The following PKHD1 variants were observed in gnomAD, a reference collection of about 807,000 sequenced individuals.
PKHD1 encodes the protein PKHD1 ciliary IPT domain containing fibrocystin/polyductin, also known as fibrocystin.
A neutral mutation model predicts 412.0 loss-of-function variants in PKHD1; 291 were observed. The ratio of observed to expected loss-of-function variants is 0.71; its 90% CI spans 0.64 to 0.78. The LOEUF (loss-of-function observed/expected upper bound fraction) is 0.78. PKHD1 is among the 30% of genes least tolerant of loss of function. The pLI, the probability that PKHD1 is intolerant of heterozygous loss-of-function variation, is 0.00. For synonymous variants in PKHD1, 1,777 were observed against 1,821.5 expected (o/e 0.98, Z 0.62); for missense variants, 4,825 against 4,950.7 (o/e 0.97, Z 0.76).
intron 57 of PKHD1, among the ~76,000 whole-genome samples, chr6:51,749,781 A>G (rs1022198662): frequency 2.6e-5 from 4 of 152,168 alleles, no homozygotes; most frequent in African/African-American, 9.7e-5. Flanking sequence ...GAAAGACAGA[A>G]AGACTTTGTG....
At position 51,989,563 on chromosome 6, in the gene PKHD1, T is replaced by G. The variant is rs572323630; in HGVS notation, c.5751+20746A>C. The stretch of plus-strand genomic sequence containing the variant: ...ACCTGCACAATTCACCACAAATAAA[T>G]TAATAATGGCATATTATGAAGATAT... On this transcript the variant is annotated intron_variant, in intron 35 of 66. Coordinates refer to ENST00000371117, the MANE Select transcript of PKHD1 (RefSeq NM_138694.4). 8.5e-5 allele frequency among the ~76,000 whole-genome samples: 13 copies of G among 152,262 alleles called. No individual in the cohort carries two copies. In the East Asian group the frequency reaches 2.5e-3, roughly 29 times the overall value.
At chr6:51,923,847 A>G (rs1416351031) in intron 37 of PKHD1, among the ~76,000 whole-genome samples, 4 of 152,200 alleles carry the variant, frequency 2.6e-5, no homozygotes, top group Non-Finnish European at 5.9e-5. Context: ...TTTCTGCCAC[A>G]AGTAAATACC....
chr6:51,832,435 G>A (rs1259304214), intron 51 of PKHD1, among the ~76,000 whole-genome samples: 1 of 152,082 alleles, frequency 6.6e-6, no homozygotes, highest in Admixed American at 6.6e-5. Context: ...GAACCACAGA[G>A]CTAGAAGAGA....
chr6:51,708,243 T>C (rs1271269255), intron 60 of PKHD1, among the ~76,000 whole-genome samples: 6 of 152,142 alleles, frequency 3.9e-5, no homozygotes, highest in African/African-American at 1.4e-4. Context: ...CTTTTCCTCA[T>C]CTCTTACCTC....
chr6:52,062,577 T>A lies in PKHD1; in HGVS notation c.1060A>T (p.Ile354Phe). The A allele has an allele frequency of 6.2e-7, 1 of 1,614,130 alleles. No homozygotes were observed. The highest frequency in any genetic ancestry group is 8.5e-7 in the Non-Finnish European group (1 of 1,179,932). The change falls in exon 14 of 67, where the codon ATT becomes TTT. Residue 354 changes from isoleucine (I) to phenylalanine (F), a missense_variant. By Grantham distance (21) the Ile-to-Phe change is conservative. Transcript: ENST00000371117. Reference protein sequence around the residue: ...TEATPGYRWQIVPNASSPFGF... With the variant: ...TEATPGYRWQFVPNASSPFGF... ...AATGGAGAACTGGCATTAGGGACAA[T>A]CTGCCACCTGTACCCTGGGGTGGCT...
intron 60 of PKHD1, among the ~76,000 whole-genome samples, chr6:51,690,564 G>A (rs1343223338): frequency 1.3e-5 from 2 of 152,230 alleles, no homozygotes; most frequent in East Asian, 1.9e-4. Context: ...AAACAATGCA[G>A]AAGGGATTCC....
chr6:51,884,243 A>G (rs775247123), intron 45 of PKHD1, among the ~76,000 whole-genome samples: 1 of 152,190 alleles, frequency 6.6e-6, no homozygotes, highest in African/African-American at 2.4e-5. Context: ...GTGTGTGACC[A>G]TCTAGTTATA....
chr6:51,653,917 C>T (rs1427395858), intron 61 of PKHD1, among the ~76,000 whole-genome samples: 2 of 152,058 alleles, frequency 1.3e-5, no homozygotes, highest in Non-Finnish European at 2.9e-5. Context: ...AATGAAAACT[C>T]TGCATTTTTA....
intron 59 of PKHD1, 25 bp downstream of exon 59, chr6:51,746,696 T>C (rs368685928): frequency 5.6e-6 from 8 of 1,441,210 alleles, no homozygotes; most frequent in Non-Finnish European, 7.8e-6. Context: ...TAAATATGGC[T>C]TATTATAAAT....
At position 51,758,014 on chromosome 6, in the gene PKHD1, A is replaced by AAGAGAGAGAGAGAGAGAGAG. The variant is rs10534219; in HGVS notation, c.8643-3096_8643-3077dup. ...GGGCAACAGAATGAGACCCTGCCAAAAGAGAGAGAGAGAGAGAGAGAGAGA... is the reference window on the plus strand; with the variant it reads ...GGGCAACAGAATGAGACCCTGCCAAAAGAGAGAGAGAGAGAGAGAGAGAGAGAGAGAGAGAGAGAGAGAGA... On this transcript the variant is annotated intron_variant, in intron 55 of 66. Transcript: ENST00000371117. Among the ~76,000 whole-genome samples the AAGAGAGAGAGAGAGAGAGAG allele has an allele frequency of 4.2e-3, 535 of 126,032 alleles. 2 individuals carry two copies. The highest frequency in any genetic ancestry group is 7.7e-3 in the African/African-American group (231 of 29,834). The allele number at this position is 126,032 out of a possible 152,430, so 82.7% of individuals were successfully genotyped here. A position where few individuals can be genotyped will look rare whatever the true frequency, so the allele number is the denominator to read the frequency against.
rs910643003 is a variant in PKHD1, at chr6:51,815,905, G to A, written c.8302+14956C>T. On this transcript the variant is annotated intron_variant, in intron 52 of 66. Transcript: ENST00000371117. ...TTTCTCACTTTATATTTTGCCACTT[G>A]GTTGTTAAATCTTTTGTGAAACCAT... Among the ~76,000 whole-genome samples the A allele has an allele frequency of 1.2e-4, 18 of 152,210 alleles. No homozygotes were observed. The South Asian group carries it at 1.5e-3, about 12-fold the overall frequency.
chr6:51,896,050 C>A (rs1311692954), intron 43 of PKHD1, among the ~76,000 whole-genome samples: 1 of 152,314 alleles, frequency 6.6e-6, no homozygotes, highest in East Asian at 1.9e-4. Context: ...GCTAGCACAG[C>A]AGTCTGAGAT....
intron 29 of PKHD1, among the ~76,000 whole-genome samples, chr6:52,029,481 C>T (rs1028300890): frequency 2.6e-5 from 4 of 152,070 alleles, no homozygotes; most frequent in African/African-American, 9.7e-5. Context: ...AAAAGATATA[C>T]TACAAGAGAG....
rs753568118 is a variant in PKHD1 at position 51,619,208 on chromosome 6, C to T, written c.12098G>A (p.Gly4033Glu). 17 of 1,614,126 alleles carry T rather than the reference C, an allele frequency of 1.1e-5. No individual in the cohort carries two copies. Among genetic ancestry groups the T allele is most frequent in the Non-Finnish European group, 1.4e-5 (17 of 1,180,048 alleles). The change falls in exon 67 of 67, where the codon GGG (glycine) becomes GAG (glutamate). Residue 4033 changes from glycine to glutamate, a missense_variant. Physicochemically the swap from Gly to Glu is moderately conservative, Grantham distance 98 (BLOSUM62 -2). Transcript: ENST00000371117. ...ACTTTGCTTACTCAGCCGACTTTGC[C>T]CTGGCAACTGCTGCCTCTCTTGTCT... ...DFRQERQQLPGQSRLSKQSGS... is the reference protein window; with the variant it reads ...DFRQERQQLPEQSRLSKQSGS...
At chr6:51,743,985 C>CT (rs999691579) in intron 60 of PKHD1, among the ~76,000 whole-genome samples, 22 of 152,146 alleles carry the variant, frequency 1.4e-4, no homozygotes, top group African/African-American at 4.8e-4. Context: ...TGAGAGAGCG[C>CT]TTTAAGTCCT....
chr6:51,910,740 A>G (rs1349854677), intron 39 of PKHD1, among the ~76,000 whole-genome samples: 1 of 151,578 alleles, frequency 6.6e-6, no homozygotes, highest in Non-Finnish European at 1.5e-5. Context: ...TGCAGAATTG[A>G]TAAAGTTGGG....
At position 51,732,574 on chromosome 6, in the gene PKHD1, C is replaced by T. The variant is rs1378848618; in HGVS notation, c.10156+11811G>A. On this transcript the variant is annotated intron_variant, in intron 60 of 66. Transcript: ENST00000371117. ...AACACTACTAATCACTTGGGAAATG[C>T]AAATCAAAATTACAACGACATATCA... is the stretch of plus-strand genomic sequence containing the variant. 2.0e-5 allele frequency among the ~76,000 whole-genome samples: 3 copies of T among 152,236 alleles called. No homozygotes were observed. In the East Asian group the frequency reaches 5.8e-4, roughly 29 times the overall value.
chr6:51,758,099 C>T (rs574277246), intron 55 of PKHD1, among the ~76,000 whole-genome samples: 1 of 151,700 alleles, frequency 6.6e-6, no homozygotes, highest in South Asian at 2.1e-4. Context: ...CCCCATAGCA[C>T]CTAACAATGT....
intron 37 of PKHD1, among the ~76,000 whole-genome samples, chr6:51,912,788 G>T (rs1211996833): frequency 1.3e-5 from 2 of 151,942 alleles, no homozygotes; most frequent in Non-Finnish European, 2.9e-5. Context: ...TCTATAAAAA[G>T]AAGTCAATAA....
Sources: gnomAD v4.1 joint callset for allele counts (sites outside exome capture counted in the v4.1 genomes callset) on GRCh38, gnomAD v4.1.1 for gene constraint, MANE v1.5 for transcripts, NCBI Gene and HGNC (gene_info 2026-07-23, HGNC 2026-07-21) for gene names.